Variants in MTHFS observed in about 807,000 individuals in gnomAD.
MTHFS encodes methenyltetrahydrofolate synthetase.
MTHFS carries 7 observed loss-of-function variants against 12.7 expected under a neutral mutation model. The ratio of observed to expected loss-of-function variants is 0.55; its 90% confidence interval spans 0.31 to 1.03. The LOEUF (loss-of-function observed/expected upper bound fraction) is 1.03. MTHFS is among the 50% of genes least tolerant of loss of function. The pLI is 0.05. For synonymous variants in MTHFS, 100 were observed against 97.1 expected, an observed-to-expected ratio of 1.03 and a Z score of -0.18; for missense variants, 252 against 258.1, an observed-to-expected ratio of 0.98 and a Z score of 0.16.
intron 2 of MTHFS, among the ~76,000 whole-genome samples, chr15:79,885,663 T>C (rs2034369650): frequency 1.3e-5 from 2 of 152,226 alleles, no homozygotes; most frequent in Non-Finnish European, 2.9e-5. Flanking sequence ...CTGGCCATAG[T>C]GATTAATTTC....
rs11854561 is a variant in MTHFS, at chr15:79,844,430, C to T, written c.*780G>A. 0.3 allele frequency: 46,213 copies of T among 152,174 alleles called. 7,455 individuals are homozygous for T. Among genetic ancestry groups the T allele is most frequent in the African/African-American group, 0.41 (17,151 of 41,406 alleles). The allele number at this position is 152,174 out of a possible 1,614,324, so 9.4% of individuals were successfully genotyped here. ...GTGAGTAAGAGAGCCACGTGACTCC[C>T]GGGTTTCTGGAGATGACCAAATCCT... On this transcript the variant is annotated 3_prime_UTR_variant, in exon 3 of 3. Transcript: ENST00000258874.
intron 2 of MTHFS, among the ~76,000 whole-genome samples, chr15:79,846,587 A>G (rs2033619390): frequency 6.6e-6 from 1 of 152,208 alleles, no homozygotes; most frequent in South Asian, 2.1e-4. Flanking sequence ...CTCCCAGCAT[A>G]CACCTGGTCA....
chr15:79,865,940 C>T (rs928564656), intron 2 of MTHFS, among the ~76,000 whole-genome samples: 2 of 152,182 alleles, frequency 1.3e-5, no homozygotes, highest in African/African-American at 4.8e-5. Flanking sequence ...ACACCAACCA[C>T]ACAATCTCTA....
intron 2 of MTHFS, among the ~76,000 whole-genome samples, chr15:79,857,691 A>AAG (rs2033835271): frequency 6.6e-6 from 1 of 152,142 alleles, no homozygotes; most frequent in Non-Finnish European, 1.5e-5. Context: ...CTGCTTCAAT[A>AAG]AGTCCTCTTC....
rs751600310 is a variant in MTHFS at position 79,889,221 on chromosome 15, C to A, written c.251G>T (p.Arg84Leu). Residue 84 changes from arginine (R) to leucine (L), a missense_variant, in exon 2 of 3, where the codon CGG (arginine) becomes CTG (leucine). Physicochemically the swap from Arg to Leu is moderately radical, Grantham distance 102. Transcript: ENST00000258874. ...RGKICFIPRY[R>L]FQSNHMDMVR... ...CATATCCATGTGATTGCTCTGGAAC[C>A]GGTACCGAGGGATGAAGCAGATTTT... 6.2e-7 allele frequency: 1 copy of A among 1,614,150 alleles called. No individual in the cohort carries two copies. The highest frequency in any genetic ancestry group is 8.5e-7 in the Non-Finnish European group (1 of 1,180,034).
intron 2 of MTHFS, among the ~76,000 whole-genome samples, chr15:79,880,800 AAAAC>A (rs74568691): frequency 6.7e-6 from 1 of 149,354 alleles, no homozygotes; most frequent in East Asian, 2.0e-4. Flanking sequence ...GCAAAAAAAA[AAAAC>A]AAACAAAAAA....
intron 2 of MTHFS, among the ~76,000 whole-genome samples, chr15:79,847,761 C>T (rs2033645649): frequency 6.6e-6 from 1 of 151,416 alleles, no homozygotes; most frequent in African/African-American, 2.4e-5. Flanking sequence ...TACTCAACAT[C>T]ACTGATCATC....
At chr15:79,866,172 A>G (rs981245911) in intron 2 of MTHFS, among the ~76,000 whole-genome samples, 4 of 152,224 alleles carry the variant, frequency 2.6e-5, no homozygotes, top group African/African-American at 9.6e-5. Context: ...GAATATGTCC[A>G]GTTCTCATGA....
Position 79,847,557 on chromosome 15 carries a change from G to A in MTHFS, c.380-2115C>T, listed in dbSNP as rs149231913. Among the ~76,000 whole-genome samples the A allele has an allele frequency of 8.7e-3, 1,322 of 151,540 alleles. 28 individuals carry two copies. Among genetic ancestry groups the A allele is most frequent in the African/African-American group, 0.029 (1,199 of 41,302 alleles). The stretch of plus-strand genomic sequence containing the variant: ...ATATTAGCCAGGCATGGTGGAGGGC[G>A]CCTGTAGTCCCAGCTACTCGGGAGG... On this transcript the variant is annotated intron_variant, in intron 2 of 2. Coordinates refer to ENST00000258874, the MANE Select transcript of MTHFS (RefSeq NM_006441.4).
intron 1 of MTHFS, among the ~76,000 whole-genome samples, chr15:79,890,207 CTTTTTT>C (rs71150999): frequency 1.6e-4 from 16 of 100,736 alleles, no homozygotes; most frequent in African/African-American, 5.5e-4. Context: ...CTCTTTTTTC[CTTTTTT>C]TTTTTTTTTT....
chr15:79,875,881 T>G (rs1389563071), intron 2 of MTHFS: 2 of 152,030 alleles, frequency 1.3e-5, no homozygotes, highest in Non-Finnish European at 2.9e-5. Flanking sequence ...GGCAATGTAA[T>G]TAAAATTGGG....
At chr15:79,868,391 T>G (rs918234685) in intron 2 of MTHFS, among the ~76,000 whole-genome samples, 10 of 152,204 alleles carry the variant, frequency 6.6e-5, no homozygotes, top group African/African-American at 2.4e-4. Context: ...TAGAAGATAA[T>G]CTTCTTAGAT....
intron 1 of MTHFS, among the ~76,000 whole-genome samples, chr15:79,894,293 A>T (rs1375233284): frequency 6.6e-6 from 1 of 152,180 alleles, no homozygotes; most frequent in Non-Finnish European, 1.5e-5. Context: ...AGGCAGGAGA[A>T]TCGCTTGAAC....
intron 2 of MTHFS, among the ~76,000 whole-genome samples, chr15:79,858,403 C>T (rs927432520): frequency 3.3e-5 from 5 of 152,108 alleles, no homozygotes; most frequent in African/African-American, 1.2e-4. Context: ...GTATCAACCA[C>T]GAAAGGATGA....
At chr15:79,860,877 C>G (rs1408582501) in intron 2 of MTHFS, among the ~76,000 whole-genome samples, 1 of 152,160 alleles carries the variant, frequency 6.6e-6, no homozygotes, top group Admixed American at 6.5e-5. Context: ...CCTTCTGATA[C>G]AACCTCATGG....
intron 2 of MTHFS, among the ~76,000 whole-genome samples, chr15:79,857,521 A>G (rs995385292): frequency 1.3e-5 from 2 of 152,218 alleles, no homozygotes; most frequent in Admixed American, 6.5e-5. Flanking sequence ...GAGGACTCAT[A>G]GCCCAGCTAA....
chr15:79,878,261 A>T (rs539847510), intron 2 of MTHFS: 2 of 152,112 alleles, frequency 1.3e-5, no homozygotes, highest in Admixed American at 6.6e-5. Context: ...GGGGTAAACC[A>T]GGAGGATCTT....
intron 2 of MTHFS, among the ~76,000 whole-genome samples, chr15:79,851,042 G>A (rs2033708917): frequency 6.6e-6 from 1 of 152,146 alleles, no homozygotes; most frequent in African/African-American, 2.4e-5. Flanking sequence ...CTGAAAAGAA[G>A]GCTGAAAATA....
At chr15:79,877,069 C>T (rs1324244906) in intron 2 of MTHFS, 1 of 151,354 alleles carries the variant, frequency 6.6e-6, no homozygotes, top group Non-Finnish European at 1.5e-5. Flanking sequence ...AGTACAACTA[C>T]TGAAATAAAA....
Sources: allele counts gnomAD v4.1 joint callset (sites outside exome capture counted in the v4.1 genomes callset), GRCh38; gene constraint gnomAD v4.1.1; transcripts MANE v1.5; gene names NCBI Gene and HGNC (gene_info 2026-07-23, HGNC 2026-07-21).